ITPK1: variants seen among roughly 807,000 people sequenced by gnomAD.
ITPK1 encodes the protein inositol-tetrakisphosphate 1-kinase, also known as inositol 1,3,4-trisphosphate 5/6-kinase.
A neutral mutation model predicts 45.3 loss-of-function variants in ITPK1; 21 were observed. The ratio of observed to expected loss-of-function variants is 0.46; its 90% confidence interval spans 0.33 to 0.67. The LOEUF (loss-of-function observed/expected upper bound fraction) is 0.67, where lower values mean the gene tolerates loss of function less well. ITPK1 is among the 30% of genes least tolerant of loss of function. The pLI, the probability that ITPK1 is intolerant of heterozygous loss-of-function variation, is 0.02. For synonymous variants in ITPK1, 258 were observed against 253.6 expected (o/e 1.02, Z -0.16); for missense variants, 474 against 573.5 (o/e 0.83, Z 1.77).
chr14:92,980,869 A>G (rs1434296552), intron 5 of ITPK1, among the ~76,000 whole-genome samples: 2 of 152,124 alleles, frequency 1.3e-5, no homozygotes, highest in Non-Finnish European at 2.9e-5. Flanking sequence ...CACCATGCCC[A>G]GCTAATTTTT....
chr14:93,113,982 G>A (rs1892843565), intron 2 of ITPK1, among the ~76,000 whole-genome samples: 1 of 152,218 alleles, frequency 6.6e-6, no homozygotes, highest in South Asian at 2.1e-4. Flanking sequence ...GACCAGCCAC[G>A]GGCCCCCAGG....
At chr14:93,100,541 A>AGG (rs1442206941) in intron 2 of ITPK1, among the ~76,000 whole-genome samples, 7 of 147,940 alleles carry the variant, frequency 4.7e-5, no homozygotes, top group Admixed American at 1.4e-4. Context: ...GAGGAGGGAG[A>AGG]GAGAGAGAGA....
In ITPK1 at chr14:92,940,299, A is replaced by G; in HGVS notation, c.*1262T>C. ...ATACTTGTGGGGGCTGATGCCTCTC[A>G]CCCAGCACCCCACATCTTCCAGGAC... On this transcript the variant is annotated 3_prime_UTR_variant, in exon 11 of 11. Coordinates refer to ENST00000267615, the MANE Select transcript of ITPK1 (RefSeq NM_014216.6). The G allele has an allele frequency of 2.0e-6, 2 of 990,162 alleles. No homozygotes were observed. The highest frequency in any genetic ancestry group is 2.4e-6 in the Non-Finnish European group (2 of 832,830). 61.3% of individuals were successfully genotyped at this position (990,162 alleles called of 1,614,324 possible). A position where few individuals can be genotyped will look rare whatever the true frequency, so the allele number is the denominator to read the frequency against.
chr14:93,112,600 C>A (rs1412380238), intron 2 of ITPK1, among the ~76,000 whole-genome samples: 1 of 151,970 alleles, frequency 6.6e-6, no homozygotes, highest in Non-Finnish European at 1.5e-5. Flanking sequence ...CCATCATGCC[C>A]GGCTAATTTT....
chr14:92,948,905 A>T (rs1887819811), intron 9 of ITPK1, among the ~76,000 whole-genome samples: 1 of 148,944 alleles, frequency 6.7e-6, no homozygotes, highest in Non-Finnish European at 1.5e-5. Context: ...GCTCTGAGGG[A>T]CCCACGCCTG....
chr14:93,023,921 G>A (rs954881218), intron 3 of ITPK1, among the ~76,000 whole-genome samples: 1 of 152,138 alleles, frequency 6.6e-6, no homozygotes, highest in African/African-American at 2.4e-5. Context: ...TGCTTCATCT[G>A]TGTTATTGTT....
intron 2 of ITPK1, among the ~76,000 whole-genome samples, chr14:93,089,616 C>A (rs1474001829): frequency 6.6e-6 from 1 of 152,192 alleles, no homozygotes. Flanking sequence ...AGACAGAAAT[C>A]AGCTGGGTCA....
intron 3 of ITPK1, among the ~76,000 whole-genome samples, chr14:93,043,405 T>C (rs1161847214): frequency 2.0e-5 from 3 of 152,224 alleles, no homozygotes; most frequent in East Asian, 1.9e-4. Context: ...AGCCCAGTGC[T>C]CTGTGGAGTC....
At chr14:93,043,043 C>T (rs1204386248) in intron 3 of ITPK1, among the ~76,000 whole-genome samples, 3 of 151,936 alleles carry the variant, frequency 2.0e-5, no homozygotes, top group Admixed American at 2.0e-4. Flanking sequence ...CTTAACTCTA[C>T]AAATTGACTT....
chr14:93,002,811 C>T (rs961883630), intron 4 of ITPK1, among the ~76,000 whole-genome samples: 1 of 152,182 alleles, frequency 6.6e-6, no homozygotes, highest in Non-Finnish European at 1.5e-5. Flanking sequence ...AGGCCAAGGT[C>T]GCAAGGGAGA....
chr14:93,064,239 C>T (rs1289285323), intron 3 of ITPK1, among the ~76,000 whole-genome samples: 6 of 152,092 alleles, frequency 3.9e-5, no homozygotes, highest in Admixed American at 6.5e-5. Context: ...GCCGAGGTCG[C>T]GCCACTGCAC....
intron 5 of ITPK1, among the ~76,000 whole-genome samples, chr14:92,984,459 A>C (rs1886395893): frequency 6.6e-6 from 1 of 152,262 alleles, no homozygotes; most frequent in Non-Finnish European, 1.5e-5. Context: ...GATGTGTCTC[A>C]TAATTGATAT....
intron 3 of ITPK1, among the ~76,000 whole-genome samples, chr14:93,044,526 G>A (rs1023223056): frequency 3.3e-5 from 5 of 152,204 alleles, no homozygotes; most frequent in African/African-American, 1.2e-4. Context: ...GGCAGCAGAT[G>A]GAAACTCTGG....
chr14:93,047,436 G>A (rs1193811095), intron 3 of ITPK1, among the ~76,000 whole-genome samples: 1 of 152,230 alleles, frequency 6.6e-6, no homozygotes. Context: ...ATTAAGATGA[G>A]GTCATCAGGG....
At chr14:92,956,992 G>A (rs997374765) in intron 8 of ITPK1, among the ~76,000 whole-genome samples, 3 of 152,200 alleles carry the variant, frequency 2.0e-5, no homozygotes, top group Admixed American at 2.0e-4. Flanking sequence ...GCCCTCGGAG[G>A]AAAATGAACA....
chr14:93,104,506 C>T (rs554188953), intron 2 of ITPK1, among the ~76,000 whole-genome samples: 27 of 152,026 alleles, frequency 1.8e-4, no homozygotes, highest in African/African-American at 5.8e-4. Flanking sequence ...TGACATCGAT[C>T]GACGGCAGCT....
intron 3 of ITPK1, among the ~76,000 whole-genome samples, chr14:93,035,328 G>A (rs1889268724): frequency 6.6e-6 from 1 of 152,224 alleles, no homozygotes; most frequent in South Asian, 2.1e-4. Context: ...CCAAAAGAGT[G>A]CAGTGAGCAC....
At chr14:93,062,897 A>C (rs1275112328) in intron 3 of ITPK1, among the ~76,000 whole-genome samples, 1 of 152,236 alleles carries the variant, frequency 6.6e-6, no homozygotes, top group Non-Finnish European at 1.5e-5. Flanking sequence ...GAGGGCTCAG[A>C]CAGCAAAAAT....
intron 3 of ITPK1, among the ~76,000 whole-genome samples, chr14:93,048,163 G>C (rs1889860822): frequency 6.6e-6 from 1 of 152,172 alleles, no homozygotes; most frequent in Admixed American, 6.5e-5. Flanking sequence ...ATGTCCAAAT[G>C]AACAGGGTGC....
Sources: allele counts gnomAD v4.1 joint callset (sites outside exome capture counted in the v4.1 genomes callset), GRCh38; gene constraint gnomAD v4.1.1; transcripts MANE v1.5; gene names NCBI Gene and HGNC (gene_info 2026-07-23, HGNC 2026-07-21).